Variants in PDE1C observed in about 807,000 individuals in gnomAD.
The protein encoded by PDE1C is phosphodiesterase 1C.
PDE1C carries 62 observed loss-of-function variants against 93.1 expected under a neutral mutation model. That is an observed-to-expected ratio of 0.67 (90% CI 0.54 to 0.82). The LOEUF (loss-of-function observed/expected upper bound fraction) is 0.82, where lower values mean the gene tolerates loss of function less well. Ranked by LOEUF, PDE1C falls within the 40% of genes least tolerant of loss-of-function variation. PDE1C has a pLI of 0.00. For missense variants in PDE1C, 742 were observed against 884.6 expected, an observed-to-expected ratio of 0.84 and a Z score of 2.04; for synonymous variants, 325 against 310.1, an observed-to-expected ratio of 1.05 and a Z score of -0.50.
intron 1 of PDE1C, among the ~76,000 whole-genome samples, chr7:32,401,156 T>C (rs1469799165): frequency 1.3e-5 from 2 of 152,246 alleles, no homozygotes; most frequent in African/African-American, 2.4e-5. Context: ...ACTTCCAATG[T>C]ATTTTATGTA....
intron 2 of PDE1C, among the ~76,000 whole-genome samples, chr7:32,008,433 T>A (rs534819435): frequency 6.6e-6 from 1 of 152,176 alleles, no homozygotes. Flanking sequence ...ACAAAGGAAC[T>A]CGAGGTCCAG....
chr7:31,964,798 C>T lies in PDE1C; in HGVS notation c.129-83938G>A, dbSNP rs765753718. Among the ~76,000 whole-genome samples the T allele has an allele frequency of 5.8e-4, 89 of 152,314 alleles. 1 individual carries two copies. The highest frequency in any genetic ancestry group is 5.8e-4 in the East Asian group (3 of 5,176). On this transcript the variant is annotated intron_variant, in intron 2 of 17. Coordinates refer to ENST00000396191, the MANE Select transcript of PDE1C (RefSeq NM_001191057.4). ...ATCAGGCAGCAGCATTTACAGTTCA[C>T]CAATATATGCTGTTCCGCAGCCACC...
At chr7:31,910,150 G>A (rs13223209) in intron 2 of PDE1C, among the ~76,000 whole-genome samples, 120,110 of 152,062 alleles carry the variant, frequency 0.79, 47,989 homozygotes, top group Admixed American at 0.85. Context: ...GCAGCCAGAA[G>A]CAAGTTGGGT....
At chr7:31,709,563 G>A in the PDE1C span, among the ~76,000 whole-genome samples, 2 of 152,080 alleles carry the variant, frequency 1.3e-5, no homozygotes, top group Non-Finnish European at 2.9e-5. Context: ...ACTTCAAGTA[G>A]GGGGATCCCA....
chr7:32,198,163 C>G (rs571290312), intron 2 of PDE1C, among the ~76,000 whole-genome samples: 17 of 152,262 alleles, frequency 1.1e-4, no homozygotes, highest in African/African-American at 4.1e-4. Flanking sequence ...GATAAATTCT[C>G]TCAGAATGAG....
chr7:31,851,059 T>TAG (rs1793263312), intron 7 of PDE1C, among the ~76,000 whole-genome samples: 1 of 106,194 alleles, frequency 9.4e-6, no homozygotes, highest in Non-Finnish European at 2.1e-5. Flanking sequence ...AGTTCCTAGG[T>TAG]AGACACACAC....
intron 6 of PDE1C, among the ~76,000 whole-genome samples, chr7:31,870,645 T>C (rs1313843445): frequency 6.6e-6 from 1 of 152,038 alleles, no homozygotes; most frequent in African/African-American, 2.4e-5. Context: ...TAGGACCAGA[T>C]GGCTTCACTA....
intron 11 of PDE1C, among the ~76,000 whole-genome samples, chr7:31,836,878 C>A (rs1357909487): frequency 3.3e-5 from 5 of 151,412 alleles, no homozygotes; most frequent in African/African-American, 1.2e-4. Flanking sequence ...TTTGTCGAGC[C>A]ACTAGAAAAA....
At chr7:31,851,541 A>G (rs1480395409) in intron 7 of PDE1C, among the ~76,000 whole-genome samples, 2 of 152,158 alleles carry the variant, frequency 1.3e-5, no homozygotes, top group Admixed American at 1.3e-4. Flanking sequence ...TTTACTTCCT[A>G]TCGCTTCTGT....
At chr7:32,109,868 A>G (rs1295377122) in intron 3 of PDE1C, among the ~76,000 whole-genome samples, 1 of 152,178 alleles carries the variant, frequency 6.6e-6, no homozygotes, top group African/African-American at 2.4e-5. Context: ...AGAAGCTATT[A>G]TTTTAAAAAT....
the PDE1C span, chr7:31,695,609 C>T: frequency 6.2e-7 from 1 of 1,612,104 alleles, no homozygotes; most frequent in Admixed American, 1.7e-5. Flanking sequence ...GCACATCCCA[C>T]CTTTCATACC....
intron 1 of PDE1C, among the ~76,000 whole-genome samples, chr7:32,331,253 C>T (rs1023211887): frequency 2.0e-5 from 3 of 152,290 alleles, no homozygotes; most frequent in East Asian, 1.9e-4. Context: ...TTGAAAGAGG[C>T]ACTGAGACAG....
At chr7:32,381,351 G>A (rs765365452) in intron 1 of PDE1C, among the ~76,000 whole-genome samples, 3 of 152,080 alleles carry the variant, frequency 2.0e-5, no homozygotes, top group Admixed American at 1.3e-4. Flanking sequence ...ACTGTTCATC[G>A]CTGCACCCTT....
At chr7:31,960,802 G>A (rs1808831831) in intron 2 of PDE1C, among the ~76,000 whole-genome samples, 2 of 152,150 alleles carry the variant, frequency 1.3e-5, no homozygotes, top group Non-Finnish European at 2.9e-5. Context: ...TAAGATATGG[G>A]AGTGACTACA....
intron 2 of PDE1C, among the ~76,000 whole-genome samples, chr7:32,001,450 G>A (rs766846394): frequency 1.3e-4 from 20 of 152,194 alleles, no homozygotes; most frequent in Middle Eastern, 3.4e-3. Context: ...CATGTATTAC[G>A]GTTATTTATG....
intron 2 of PDE1C, among the ~76,000 whole-genome samples, chr7:31,944,161 C>A (rs1343231467): frequency 6.6e-6 from 1 of 152,152 alleles, no homozygotes; most frequent in Non-Finnish European, 1.5e-5. Context: ...CTTTTCAAAT[C>A]CCCAGCACAA....
At chr7:31,893,167 G>A (rs752102131) in intron 2 of PDE1C, among the ~76,000 whole-genome samples, 1 of 152,132 alleles carries the variant, frequency 6.6e-6, no homozygotes, top group Admixed American at 6.5e-5. Flanking sequence ...GACAAGTTGG[G>A]GTGTGAAAAC....
intron 1 of PDE1C, among the ~76,000 whole-genome samples, chr7:32,421,842 G>A (rs1004490728): frequency 6.6e-6 from 1 of 152,146 alleles, no homozygotes; most frequent in African/African-American, 2.4e-5. Context: ...GTGCTGTACA[G>A]AAGCTTCCTA....
At chr7:32,251,311 C>T (rs563047767) in intron 1 of PDE1C, among the ~76,000 whole-genome samples, 1 of 152,332 alleles carries the variant, frequency 6.6e-6, no homozygotes, top group South Asian at 2.1e-4. Flanking sequence ...TTGACCTGCA[C>T]GTTTGAAGCT....
Sources: gnomAD v4.1 joint callset for allele counts (sites outside exome capture counted in the v4.1 genomes callset) on GRCh38, gnomAD v4.1.1 for gene constraint, MANE v1.5 for transcripts, NCBI Gene and HGNC (gene_info 2026-07-23, HGNC 2026-07-21) for gene names.